Variants in EYS observed in about 807,000 individuals in gnomAD.
EYS encodes EGF-like photoreceptor maintenance factor.
Under a neutral mutation model 282.1 loss-of-function variants are expected in EYS, and 250 were observed. The ratio of observed to expected loss-of-function variants is 0.89; its 90% CI spans 0.80 to 0.98. The LOEUF (loss-of-function observed/expected upper bound fraction) is 0.98. Ranked by LOEUF, EYS falls within the 50% of genes least tolerant of loss-of-function variation. The pLI, the probability that EYS is intolerant of heterozygous loss-of-function variation, is 0.00. For synonymous variants in EYS, 1,355 were observed against 1,282.9 expected (o/e 1.06, Z -1.20); for missense variants, 4,016 against 3,709.0 (o/e 1.08, Z -2.15).
intron 5 of EYS, among the ~76,000 whole-genome samples, chr6:65,470,947 T>C (rs1765187627): frequency 6.6e-6 from 1 of 151,808 alleles, no homozygotes; most frequent in Non-Finnish European, 1.5e-5. Flanking sequence ...GGCCAGCCTG[T>C]TCAATACAGT....
chr6:65,353,501 T>G lies in EYS; in HGVS notation c.1416A>C (p.Lys472Asn), dbSNP rs1246357856. The G allele has an allele frequency of 2.5e-6, 4 of 1,613,086 alleles. No individual in the cohort carries two copies. The highest frequency in any genetic ancestry group is 3.4e-6 in the Non-Finnish European group (4 of 1,179,454). Residue 472 changes from lysine to asparagine, a missense_variant, in exon 9 of 43, where the codon AAA becomes AAC. Coordinates refer to ENST00000503581, the MANE Select transcript of EYS (RefSeq NM_001142800.2). ...ACACATATTCAAATTGAGCAGGACC[T>G]TTATCTTGGCAAATACCATGGAAGG... Reference protein sequence around the residue: ...GVTFHGICQDKGPAQFEYVWQ... With the variant: ...GVTFHGICQDNGPAQFEYVWQ...
intron 12 of EYS, among the ~76,000 whole-genome samples, chr6:65,162,256 A>G (rs375275193): frequency 2.6e-5 from 4 of 151,304 alleles, no homozygotes; most frequent in East Asian, 3.9e-4. Flanking sequence ...GAGACAAGTG[A>G]CATAATCCAT....
At chr6:65,295,150 A>C (rs1304924339) in intron 12 of EYS, among the ~76,000 whole-genome samples, 5 of 151,866 alleles carry the variant, frequency 3.3e-5, no homozygotes, top group Non-Finnish European at 4.4e-5. Context: ...ACAAAACTTA[A>C]ATAATTTTGT....
In EYS at chr6:64,931,642, T is replaced by G. The variant is rs76397837; in HGVS notation, c.2381+14151A>C. ...CATATATTTTTGAAAACAAGATCAA[T>G]GTTTTAAATAATAAAAACTAATGAT... is the stretch of plus-strand genomic sequence containing the variant. On this transcript the variant is annotated intron_variant, in intron 15 of 42. Transcript: ENST00000503581. Among the ~76,000 whole-genome samples the G allele has an allele frequency of 1.9e-3, 290 of 152,234 alleles. 1 individual carries two copies. Among genetic ancestry groups the G allele is most frequent in the African/African-American group, 6.7e-3 (279 of 41,570 alleles).
At chr6:63,927,619 C>T (rs938652171) in intron 35 of EYS, among the ~76,000 whole-genome samples, 1 of 152,100 alleles carries the variant, frequency 6.6e-6, no homozygotes, top group Non-Finnish European at 1.5e-5. Context: ...TTCTATATTC[C>T]TCCTGTGGCC....
At chr6:64,391,730 T>C (rs1339592471) in intron 28 of EYS, among the ~76,000 whole-genome samples, 1 of 151,776 alleles carries the variant, frequency 6.6e-6, no homozygotes, top group Non-Finnish European at 1.5e-5. Context: ...ACGAGCAAAA[T>C]AACCAGCTAA....
At position 65,446,993 on chromosome 6, in the gene EYS, C is replaced by A. The variant is rs941296356; in HGVS notation, c.863-41626G>T. Reference sequence around the variant, plus strand: ...TAAAGACTTCTCACATAACAGACATCGTCTTAGATGATTGTATAGCCTATC... The same window carrying A: ...TAAAGACTTCTCACATAACAGACATAGTCTTAGATGATTGTATAGCCTATC... On this transcript the variant is annotated intron_variant, in intron 5 of 42. Coordinates refer to ENST00000503581, the MANE Select transcript of EYS (RefSeq NM_001142800.2). Among the ~76,000 whole-genome samples the A allele has an allele frequency of 1.8e-4, 27 of 151,524 alleles. 1 individual carries two copies. The highest frequency in any genetic ancestry group is 3.3e-4 in the Admixed American group (5 of 15,124).
rs1444608582 is a variant in EYS at position 64,307,091 on chromosome 6, G to C, written c.6079-9C>G. 6 of 1,106,894 alleles carry C rather than the reference G, an allele frequency of 5.4e-6. No individual in the cohort carries two copies. The African/African-American group carries it at 9.3e-5, about 17-fold the overall frequency. The allele number at this position is 1,106,894 out of a possible 1,614,324, so 68.6% of individuals were successfully genotyped here. A position where few individuals can be genotyped will look rare whatever the true frequency, so the allele number is the denominator to read the frequency against. ...TTGACTGGTACAGGCATCTGAGAGA[G>C]AGAGAGAGAGAGAGAAGTAGAGATA... On this transcript the variant is annotated splice_polypyrimidine_tract_variant and intron_variant, in intron 29 of 42. Coordinates refer to ENST00000503581, the MANE Select transcript of EYS (RefSeq NM_001142800.2).
chr6:64,550,851 C>G (rs534409897), intron 26 of EYS, among the ~76,000 whole-genome samples: 129 of 152,204 alleles, frequency 8.5e-4, no homozygotes, highest in Non-Finnish European at 1.5e-3. Context: ...TGAGTGAACT[C>G]CCATTCACAA....
chr6:64,741,663 T>A (rs763413610), intron 22 of EYS, among the ~76,000 whole-genome samples: 2 of 152,224 alleles, frequency 1.3e-5, no homozygotes, highest in Non-Finnish European at 2.9e-5. Context: ...CTGCAACTTC[T>A]ACATCAGCAC....
chr6:65,019,641 T>G (rs1772182609), intron 13 of EYS, among the ~76,000 whole-genome samples: 1 of 152,192 alleles, frequency 6.6e-6, no homozygotes, highest in African/African-American at 2.4e-5. Flanking sequence ...TATCATTATC[T>G]CTGTCCATTT....
intron 40 of EYS, chr6:63,777,745 T>A (rs1013904307): frequency 5.5e-6 from 2 of 362,378 alleles, no homozygotes; most frequent in African/African-American, 4.1e-5. Flanking sequence ...TGGATTTAAG[T>A]GATATTTTTC....
chr6:65,332,923 C>G (rs1433689176), intron 11 of EYS, among the ~76,000 whole-genome samples: 13 of 151,022 alleles, frequency 8.6e-5, no homozygotes, highest in Admixed American at 8.6e-4. Context: ...TACAGTTGTT[C>G]ATAGCATTTC....
intron 26 of EYS, among the ~76,000 whole-genome samples, chr6:64,458,878 C>T (rs1177168858): frequency 6.6e-6 from 1 of 152,106 alleles, no homozygotes; most frequent in African/African-American, 2.4e-5. Context: ...TTCATCAAGG[C>T]ACATATTTTT....
Position 65,687,390 on chromosome 6 carries a change from C to A in EYS, c.-448+19745G>T, listed in dbSNP as rs558689368. ...TGATGTGAATGACAATAGAAAAAAT[C>A]TGAATAATTTAGGGACATATCAAGG... is the stretch of plus-strand genomic sequence containing the variant. On this transcript the variant is annotated intron_variant, in intron 1 of 42. Coordinates refer to ENST00000503581, the MANE Select transcript of EYS (RefSeq NM_001142800.2). Among the ~76,000 whole-genome samples, 200 of 152,148 alleles carry A rather than the reference C, an allele frequency of 1.3e-3. 1 individual carries two copies. The highest frequency in any genetic ancestry group is 4.6e-3 in the African/African-American group (192 of 41,528).
chr6:65,475,843 G>A (rs1364958319), intron 5 of EYS, among the ~76,000 whole-genome samples: 1 of 151,648 alleles, frequency 6.6e-6, no homozygotes, highest in Non-Finnish European at 1.5e-5. Context: ...TCTTCATGGA[G>A]TAATTAAATT....
chr6:64,143,302 T>C (rs997283129), intron 31 of EYS, among the ~76,000 whole-genome samples: 1 of 136,200 alleles, frequency 7.3e-6, no homozygotes, highest in African/African-American at 2.7e-5. Context: ...GAGTAAGCAC[T>C]AACATGGACT....
intron 31 of EYS, among the ~76,000 whole-genome samples, chr6:64,137,668 C>G (rs1332852149): frequency 6.6e-6 from 1 of 152,046 alleles, no homozygotes; most frequent in African/African-American, 2.4e-5. Flanking sequence ...GTGGAACAGT[C>G]AGAACACTCA....
rs34301256 is a variant in EYS, at chr6:65,440,377, TA to T, written c.863-35011del. On this transcript the variant is annotated intron_variant, in intron 5 of 42. Coordinates refer to ENST00000503581, the MANE Select transcript of EYS (RefSeq NM_001142800.2). ...ATGTTAGTTTATAAACAACCTTCAA[TA>T]AAAAAAAAAAAATTAAAACCCCAAA... 5.6e-3 allele frequency among the ~76,000 whole-genome samples: 802 copies of T among 143,230 alleles called. 7 individuals carry two copies. Among genetic ancestry groups the T allele is most frequent in the African/African-American group, 8.7e-3 (334 of 38,174 alleles). The allele number at this position is 143,230 out of a possible 152,430, so 94.0% of individuals were successfully genotyped here. A position where few individuals can be genotyped will look rare whatever the true frequency, so the allele number is the denominator to read the frequency against.
Sources: gnomAD v4.1 joint callset for allele counts (sites outside exome capture counted in the v4.1 genomes callset) on GRCh38, gnomAD v4.1.1 for gene constraint, MANE v1.5 for transcripts, NCBI Gene and HGNC (gene_info 2026-07-23, HGNC 2026-07-21) for gene names.